Variants in CELF1 observed in about 807,000 individuals in gnomAD.
The protein encoded by CELF1 is CUGBP Elav-like family member 1.
A neutral mutation model predicts 61.8 loss-of-function variants in CELF1; 10 were observed. That is an observed-to-expected ratio of 0.16 (90% CI 0.10 to 0.27). CELF1 has a LOEUF of 0.27. CELF1 is among the 10% of genes least tolerant of loss of function. The pLI, the probability that CELF1 is intolerant of heterozygous loss-of-function variation, is 1.00. For missense variants in CELF1, 380 were observed against 639.1 expected (o/e 0.59, Z 4.37); for synonymous variants, 236 against 225.1 (o/e 1.05, Z -0.43).
At chr11:47,552,944 C>T (rs2097181982) in intron 1 of CELF1, 48 bp downstream of exon 1, 1 of 396,728 alleles carries the variant, frequency 2.5e-6, no homozygotes, top group East Asian at 3.6e-5. Context: ...TGCCTTTTTT[C>T]CCCTCCCTCC....
At chr11:47,482,942 C>T (rs2084253567) in intron 8 of CELF1, 86 bp from the exon 9 acceptor site, 2 of 1,218,316 alleles carry the variant, frequency 1.6e-6, no homozygotes, top group South Asian at 2.9e-5. Flanking sequence ...ATGCAGGTTA[C>T]ATTCTAATTT....
At chr11:47,556,447 A>T (rs1313456747), upstream of CELF1, among the ~76,000 whole-genome samples, 1 of 152,230 alleles carries the variant, frequency 6.6e-6, no homozygotes, top group Non-Finnish European at 1.5e-5. Flanking sequence ...GGCCTTCCGA[A>T]GTTTTGGGAT....
chr11:47,522,321 T>G (rs1328478859), intron 1 of CELF1, among the ~76,000 whole-genome samples: 3 of 147,962 alleles, frequency 2.0e-5, no homozygotes, highest in South Asian at 2.2e-4. Flanking sequence ...AGATCAGGAG[T>G]TGGAGACCAG....
intron 1 of CELF1, among the ~76,000 whole-genome samples, chr11:47,549,877 TGC>T (rs2097093622): frequency 6.6e-6 from 1 of 151,056 alleles, no homozygotes; most frequent in Non-Finnish European, 1.5e-5. Context: ...AGTGCAGTGG[TGC>T]AATCTCAGCT....
intron 1 of CELF1, among the ~76,000 whole-genome samples, chr11:47,504,645 T>G (rs2094314784): frequency 7.0e-6 from 1 of 143,578 alleles, no homozygotes; most frequent in African/African-American, 2.5e-5. Flanking sequence ...TCACCGCCTC[T>G]AATCCCAGCA....
chr11:47,473,077 A>G lies in CELF1; in HGVS notation c.1417+11T>C, dbSNP rs775978282. 2.7e-5 allele frequency: 43 copies of G among 1,612,888 alleles called. No individual in the cohort carries two copies. The highest frequency in any genetic ancestry group is 3.5e-5 in the Non-Finnish European group (41 of 1,179,536). ...TAATCCCATCCTGACACCAGAGAGA[A>G]GCCAACATACCAAAACACTTGCTCA... is the stretch of plus-strand genomic sequence containing the variant. On this transcript the variant is annotated intron_variant, in intron 14 of 14. Transcript: ENST00000687097.
intron 3 of CELF1, chr11:47,496,001 C>T: frequency 1.0e-6 from 1 of 985,224 alleles, no homozygotes; most frequent in Non-Finnish European, 1.2e-6. Flanking sequence ...CTTCTGCTAC[C>T]ACCCACCCTT....
intron 10 of CELF1, among the ~76,000 whole-genome samples, chr11:47,478,105 G>C (rs1022571847): frequency 6.6e-6 from 1 of 152,136 alleles, no homozygotes; most frequent in Non-Finnish European, 1.5e-5. Context: ...AGTGGAAAGA[G>C]TAAACGAGAA....
chr11:47,554,437 CAG>C (rs1336138086), upstream of CELF1, among the ~76,000 whole-genome samples: 4 of 152,106 alleles, frequency 2.6e-5, no homozygotes, highest in Admixed American at 1.3e-4. Context: ...ATGTTTCAAG[CAG>C]AGAGTCTGTC....
chr11:47,522,932 G>T (rs1338850658), intron 1 of CELF1, among the ~76,000 whole-genome samples: 1 of 152,042 alleles, frequency 6.6e-6, no homozygotes, highest in Middle Eastern at 3.2e-3. Context: ...CTAGCAGGAG[G>T]GGGAAGTGAA....
chr11:47,493,119 T>C (rs1446778057), intron 3 of CELF1, among the ~76,000 whole-genome samples: 2 of 152,122 alleles, frequency 1.3e-5, no homozygotes, highest in African/African-American at 4.8e-5. Context: ...AGAAATGTCA[T>C]CCTTTGCTCT....
At chr11:47,517,486 A>C (rs1010415482) in intron 1 of CELF1, among the ~76,000 whole-genome samples, 3 of 152,186 alleles carry the variant, frequency 2.0e-5, no homozygotes, top group South Asian at 2.1e-4. Flanking sequence ...AAAGAAAATA[A>C]GGCAGCTAAC....
At chr11:47,491,923 C>A (rs777276981) in intron 3 of CELF1, among the ~76,000 whole-genome samples, 3 of 152,200 alleles carry the variant, frequency 2.0e-5, no homozygotes, top group Non-Finnish European at 4.4e-5. Context: ...AAAAACAGCA[C>A]CCAAATTTAA....
At chr11:47,536,990 G>A (rs1289835940) in intron 1 of CELF1, among the ~76,000 whole-genome samples, 1 of 152,128 alleles carries the variant, frequency 6.6e-6, no homozygotes, top group Non-Finnish European at 1.5e-5. Flanking sequence ...GGACATGACA[G>A]GAGGCAAACT....
At chr11:47,562,265 C>T (rs2097228344) in intron 2 of CELF1, among the ~76,000 whole-genome samples, 1 of 149,580 alleles carries the variant, frequency 6.7e-6, no homozygotes, top group Non-Finnish European at 1.5e-5. Context: ...GTGGCTCACA[C>T]CTGTAATGCC....
intron 1 of CELF1, among the ~76,000 whole-genome samples, chr11:47,511,315 C>CA (rs1164754392): frequency 2.0e-5 from 3 of 152,184 alleles, no homozygotes; most frequent in Non-Finnish European, 2.9e-5. Flanking sequence ...GAGGGAGAGG[C>CA]AGGCCCCAAC....
At chr11:47,481,365 G>A (rs1471562311) in intron 9 of CELF1, among the ~76,000 whole-genome samples, 1 of 151,824 alleles carries the variant, frequency 6.6e-6, no homozygotes, top group Non-Finnish European at 1.5e-5. Flanking sequence ...CCCAACCTCA[G>A]GCGATCCACT....
chr11:47,518,604 T>C (rs753855254), intron 1 of CELF1, among the ~76,000 whole-genome samples: 1 of 152,198 alleles, frequency 6.6e-6, no homozygotes, highest in Non-Finnish European at 1.5e-5. Flanking sequence ...TGTAATATCT[T>C]GTCTCTCTCT....
chr11:47,474,808 A>G (rs193052421), intron 13 of CELF1, among the ~76,000 whole-genome samples: 28 of 152,216 alleles, frequency 1.8e-4, no homozygotes, highest in African/African-American at 6.0e-4. Flanking sequence ...AGTCTCTCCT[A>G]TTTTTCTCCT....
Sources: allele counts gnomAD v4.1 joint callset (sites outside exome capture counted in the v4.1 genomes callset), GRCh38; gene constraint gnomAD v4.1.1; transcripts MANE v1.5; gene names NCBI Gene and HGNC (gene_info 2026-07-23, HGNC 2026-07-21).